The following ASIC2 variants were observed in gnomAD, a reference collection of about 807,000 sequenced individuals.
ASIC2 encodes the protein acid sensing ion channel subunit 2.
In ASIC2, 25 loss-of-function variants were observed where a neutral mutation model predicts 57.3. That is an observed-to-expected ratio of 0.44 (90% CI 0.32 to 0.61). The LOEUF (loss-of-function observed/expected upper bound fraction) is 0.61, where lower values mean the gene tolerates loss of function less well. Among genes scored for constraint, ASIC2 ranks in the 20% least tolerant of loss-of-function variants. The pLI is 0.06. For synonymous variants in ASIC2, 319 were observed against 307.5 expected (o/e 1.04, Z -0.39); for missense variants, 641 against 738.1 (o/e 0.87, Z 1.52).
At chr17:33,271,799 C>T (rs1904503184) in intron 1 of ASIC2, among the ~76,000 whole-genome samples, 2 of 152,204 alleles carry the variant, frequency 1.3e-5, no homozygotes, top group African/African-American at 4.8e-5. Context: ...GAATGATATT[C>T]TTGCAGGGTA....
At chr17:33,098,953 T>C (rs757895701) in intron 2 of ASIC2, among the ~76,000 whole-genome samples, 4 of 147,668 alleles carry the variant, frequency 2.7e-5, no homozygotes, top group Non-Finnish European at 4.5e-5. Context: ...AAAATATATA[T>C]ATAAACAAAA....
At chr17:33,801,693 C>T (rs771443034) in intron 1 of ASIC2, among the ~76,000 whole-genome samples, 3 of 152,190 alleles carry the variant, frequency 2.0e-5, no homozygotes, top group Non-Finnish European at 4.4e-5. Context: ...AACAGTTGCT[C>T]TTCTGTTGTT....
intron 1 of ASIC2, among the ~76,000 whole-genome samples, chr17:33,870,021 C>T (rs985319536): frequency 6.6e-6 from 1 of 152,074 alleles, no homozygotes; most frequent in Non-Finnish European, 1.5e-5. Context: ...TAGTACTAGA[C>T]ACAGGGAGCA....
At chr17:33,819,780 C>G (rs1313833298) in intron 1 of ASIC2, among the ~76,000 whole-genome samples, 1 of 152,178 alleles carries the variant, frequency 6.6e-6, no homozygotes, top group East Asian at 1.9e-4. Context: ...CTTGGCTTCT[C>G]TGAGTCACAA....
chr17:33,388,166 A>G (rs1370427541), intron 1 of ASIC2, among the ~76,000 whole-genome samples: 1 of 152,248 alleles, frequency 6.6e-6, no homozygotes, highest in Admixed American at 6.5e-5. Flanking sequence ...TCACTGAGGC[A>G]GATTGAAGTG....
At chr17:33,745,189 T>A (rs968943228) in intron 1 of ASIC2, among the ~76,000 whole-genome samples, 1 of 152,038 alleles carries the variant, frequency 6.6e-6, no homozygotes, top group Non-Finnish European at 1.5e-5. Flanking sequence ...TTCCGCCTGA[T>A]GAAAGGGCCA....
chr17:33,990,918 A>T (rs1369076063), intron 1 of ASIC2, among the ~76,000 whole-genome samples: 1 of 152,214 alleles, frequency 6.6e-6, no homozygotes. Flanking sequence ...AAAGATGATC[A>T]TTCAAAGACA....
At chr17:33,745,118 C>T (rs1249913510) in intron 1 of ASIC2, among the ~76,000 whole-genome samples, 1 of 152,196 alleles carries the variant, frequency 6.6e-6, no homozygotes, top group African/African-American at 2.4e-5. Flanking sequence ...ATGGTAATAA[C>T]ATGAGGGCCT....
intron 1 of ASIC2, among the ~76,000 whole-genome samples, chr17:33,471,160 G>A (rs576254067): frequency 3.3e-5 from 5 of 152,224 alleles, no homozygotes; most frequent in South Asian, 2.1e-4. Context: ...TGTCCTTTAC[G>A]TGTTTTTGGT....
chr17:33,850,798 T>C (rs966057135), intron 1 of ASIC2, among the ~76,000 whole-genome samples: 5 of 151,962 alleles, frequency 3.3e-5, no homozygotes, highest in African/African-American at 4.8e-5. Flanking sequence ...GTTCCCTGTT[T>C]AGGTCATTCG....
At chr17:33,409,704 G>C (rs1032933491) in intron 1 of ASIC2, among the ~76,000 whole-genome samples, 7 of 152,190 alleles carry the variant, frequency 4.6e-5, no homozygotes, top group African/African-American at 1.4e-4. Context: ...GGAGGAGGCC[G>C]AGGGAGCTGG....
intron 1 of ASIC2, among the ~76,000 whole-genome samples, chr17:33,442,330 C>T (rs1445490705): frequency 6.6e-6 from 1 of 152,124 alleles, no homozygotes. Flanking sequence ...ATGGGAAATT[C>T]TTTGGGATTG....
rs79786103 is a variant in ASIC2, at chr17:33,603,304, G to C, written c.556-491237C>G. Among the ~76,000 whole-genome samples the C allele has an allele frequency of 3.6e-4, 55 of 152,338 alleles. No homozygotes were observed. In the East Asian group the frequency reaches 0.01, roughly 28 times the overall value. On this transcript the variant is annotated intron_variant, in intron 1 of 9. Coordinates refer to the ASIC2 transcript ENST00000359872. ...TTTCCCCACTAAGGAGGCATCTGGG[G>C]AGAGAGCCTGATTGGGACTCCAGGA...
chr17:33,138,968 C>T (rs955877560), intron 1 of ASIC2, among the ~76,000 whole-genome samples: 1 of 152,134 alleles, frequency 6.6e-6, no homozygotes, highest in Non-Finnish European at 1.5e-5. Context: ...GATCAGAAGT[C>T]CTGGAATTCA....
In ASIC2 at chr17:33,300,507, C is replaced by A. The variant is rs181931033; in HGVS notation, c.556-188440G>T. Among the ~76,000 whole-genome samples the A allele has an allele frequency of 2.4e-3, 361 of 152,212 alleles. 2 individuals carry two copies. Among genetic ancestry groups the A allele is most frequent in the South Asian group, 5.2e-3 (25 of 4,818 alleles). Reference sequence around the variant, plus strand: ...TTTCCCTTAACCCTTTGCTAGATACCCTAATGGATGAAAGCTCTCATGTGG... The same window carrying A: ...TTTCCCTTAACCCTTTGCTAGATACACTAATGGATGAAAGCTCTCATGTGG... On this transcript the variant is annotated intron_variant, in intron 1 of 9. Coordinates refer to the ASIC2 transcript ENST00000359872.
At chr17:33,660,774 A>C (rs1209242765) in intron 1 of ASIC2, among the ~76,000 whole-genome samples, 1 of 152,192 alleles carries the variant, frequency 6.6e-6, no homozygotes, top group Non-Finnish European at 1.5e-5. Context: ...CTCTTACGGA[A>C]CCACTGTCGT....
intron 1 of ASIC2, among the ~76,000 whole-genome samples, chr17:33,217,792 G>T (rs1008971659): frequency 1.3e-5 from 2 of 152,196 alleles, no homozygotes; most frequent in African/African-American, 4.8e-5. Context: ...AGATAATGCA[G>T]GTAAAGCACC....
At chr17:33,839,630 C>T (rs1913373476) in intron 1 of ASIC2, among the ~76,000 whole-genome samples, 1 of 152,106 alleles carries the variant, frequency 6.6e-6, no homozygotes, top group African/African-American at 2.4e-5. Context: ...AAGCCTTGTG[C>T]CCAGGAAACC....
intron 1 of ASIC2, among the ~76,000 whole-genome samples, chr17:34,051,914 T>C (rs1908583758): frequency 6.6e-6 from 1 of 150,466 alleles, no homozygotes; most frequent in Admixed American, 6.7e-5. Flanking sequence ...TTTTTCCTTC[T>C]GGTAGCTGGA....
Sources: allele counts gnomAD v4.1 joint callset (sites outside exome capture counted in the v4.1 genomes callset), GRCh38; gene constraint gnomAD v4.1.1; transcripts MANE v1.5; gene names NCBI Gene and HGNC (gene_info 2026-07-23, HGNC 2026-07-21).